The following RASA1 variants were observed in gnomAD, a reference collection of about 807,000 sequenced individuals.
RASA1 encodes the protein RAS p21 protein activator 1, also known as ras GTPase-activating protein 1.
Under a neutral mutation model 132.2 loss-of-function variants are expected in RASA1, and 25 were observed. The ratio of observed to expected loss-of-function variants is 0.19; its 90% CI spans 0.14 to 0.26. The LOEUF (loss-of-function observed/expected upper bound fraction) is 0.26. Among genes scored for constraint, RASA1 ranks in the 10% least tolerant of loss-of-function variants. The pLI is 1.00. For synonymous variants in RASA1, 477 were observed against 449.9 expected (o/e 1.06, Z -0.76); for missense variants, 964 against 1,299.2 (o/e 0.74, Z 3.97).
In RASA1 at chr5:87,268,419, G is replaced by A; in HGVS notation, c.-33G>A. ...TGGTGGCCCCTGGGGCTCCCGGGCG[G>A]GCAGGGTAGGGCAGAGTAGAGCGGG... On this transcript the variant is annotated 5_prime_UTR_variant, in exon 1 of 25. Transcript: ENST00000274376. 6.7e-7 allele frequency: 1 copy of A among 1,500,054 alleles called. No individual in the cohort carries two copies. Among genetic ancestry groups the A allele is most frequent in the African/African-American group, 1.4e-5 (1 of 71,870 alleles). 92.9% of individuals were successfully genotyped at this position (1,500,054 alleles called of 1,614,324 possible).
intron 6 of RASA1, among the ~76,000 whole-genome samples, chr5:87,344,868 C>A (rs184091073): frequency 1.3e-4 from 20 of 151,974 alleles, no homozygotes; most frequent in Admixed American, 5.9e-4. Flanking sequence ...AGAATTCTTC[C>A]ATTCATACTT....
At chr5:87,288,947 A>C (rs1754796393) in intron 1 of RASA1, among the ~76,000 whole-genome samples, 1 of 152,212 alleles carries the variant, frequency 6.6e-6, no homozygotes, top group South Asian at 2.1e-4. Flanking sequence ...GAATAAGGAC[A>C]ATAGCCTACA....
chr5:87,317,776 C>T (rs1756453546), intron 1 of RASA1, among the ~76,000 whole-genome samples: 1 of 151,990 alleles, frequency 6.6e-6, no homozygotes, highest in Admixed American at 6.6e-5. Context: ...GCTGTGATTA[C>T]AGGCGCATAC....
chr5:87,301,118 A>G (rs866240240), intron 1 of RASA1, among the ~76,000 whole-genome samples: 1 of 152,236 alleles, frequency 6.6e-6, no homozygotes, highest in Non-Finnish European at 1.5e-5. Context: ...GTCCAAGACA[A>G]TATAACAGAT....
chr5:87,285,569 T>C (rs1377422994), intron 1 of RASA1, among the ~76,000 whole-genome samples: 2 of 151,956 alleles, frequency 1.3e-5, no homozygotes, highest in East Asian at 3.9e-4. Context: ...TCTTAACTTT[T>C]TATTTAAAAA....
chr5:87,295,527 A>T (rs771850105), intron 1 of RASA1, among the ~76,000 whole-genome samples: 26 of 150,088 alleles, frequency 1.7e-4, no homozygotes, highest in Non-Finnish European at 3.3e-4. Context: ...TTATTTATTT[A>T]TTTTTTTGAG....
intron 1 of RASA1, chr5:87,299,647 T>TTGTGTGTGTG (rs3988264): frequency 1.3e-5 from 2 of 149,422 alleles, no homozygotes; most frequent in African/African-American, 4.9e-5. Context: ...AGTTAACCGT[T>TTGTGTGTGTG]TGTGTGTGTG....
intron 1 of RASA1, among the ~76,000 whole-genome samples, chr5:87,270,783 C>G (rs921562536): frequency 5.4e-5 from 8 of 147,452 alleles, no homozygotes; most frequent in Non-Finnish European, 1.0e-4. Flanking sequence ...TCTTTTGATA[C>G]TTAAAGGGGA....
chr5:87,328,935 C>T (rs946428655), intron 1 of RASA1, among the ~76,000 whole-genome samples: 1 of 151,448 alleles, frequency 6.6e-6, no homozygotes, highest in Non-Finnish European at 1.5e-5. Context: ...ATCAAATCAA[C>T]TAAGTAAATA....
rs1480626759 is a variant in RASA1, at chr5:87,366,825, G to T, written c.1611-2988G>T. The stretch of plus-strand genomic sequence containing the variant: ...GGTGGGCTGATCGCTTAAGCTCAGG[G>T]GTTGGAGACCAGCCTGGGCCTACAT... On this transcript the variant is annotated intron_variant, in intron 11 of 24. Transcript: ENST00000274376. 3.9e-5 allele frequency among the ~76,000 whole-genome samples: 6 copies of T among 152,076 alleles called. No homozygotes were observed. In the South Asian group the frequency reaches 6.2e-4, roughly 16 times the overall value.
intron 1 of RASA1, among the ~76,000 whole-genome samples, chr5:87,302,486 C>T (rs1338454987): frequency 1.3e-5 from 2 of 150,928 alleles, no homozygotes; most frequent in African/African-American, 2.4e-5. Flanking sequence ...TAGAAATCTT[C>T]AATTTCGCAC....
chr5:87,294,714 CAT>C (rs1382817010), intron 1 of RASA1, among the ~76,000 whole-genome samples: 5 of 152,098 alleles, frequency 3.3e-5, no homozygotes, highest in Non-Finnish European at 7.4e-5. Context: ...TGATAGTAGA[CAT>C]TATATGATTT....
intron 4 of RASA1, among the ~76,000 whole-genome samples, chr5:87,337,316 A>G (rs1758045564): frequency 6.6e-6 from 1 of 152,034 alleles, no homozygotes; most frequent in Non-Finnish European, 1.5e-5. Context: ...GTACTCTTAA[A>G]TTGGTAACAG....
At chr5:87,339,100 C>T (rs905657106) in intron 5 of RASA1, among the ~76,000 whole-genome samples, 1 of 152,126 alleles carries the variant, frequency 6.6e-6, no homozygotes, top group Non-Finnish European at 1.5e-5. Flanking sequence ...TTCAAAGCTA[C>T]TGTTTTTAAA....
intron 11 of RASA1, among the ~76,000 whole-genome samples, chr5:87,369,552 T>G (rs1760777907): frequency 6.6e-6 from 1 of 152,122 alleles, no homozygotes; most frequent in African/African-American, 2.4e-5. Context: ...GTAACTTTAT[T>G]TCTAATGTAT....
chr5:87,387,469 C>G (rs1414976228), intron 23 of RASA1, among the ~76,000 whole-genome samples: 1 of 152,062 alleles, frequency 6.6e-6, no homozygotes, highest in Non-Finnish European at 1.5e-5. Context: ...CTTTCTTAAT[C>G]AAGTTAAATT....
At chr5:87,382,062 T>C (rs1761755447) in intron 20 of RASA1, among the ~76,000 whole-genome samples, 1 of 152,162 alleles carries the variant, frequency 6.6e-6, no homozygotes, top group Admixed American at 6.5e-5. Context: ...AGTGAGATTC[T>C]TGTGCTTCAT....
intron 1 of RASA1, among the ~76,000 whole-genome samples, chr5:87,269,685 A>T (rs961228221): frequency 6.6e-6 from 1 of 152,228 alleles, no homozygotes; most frequent in African/African-American, 2.4e-5. Context: ...AGTGAGGCAA[A>T]ACAAAATCAA....
chr5:87,306,833 T>G (rs1272891729), intron 1 of RASA1, among the ~76,000 whole-genome samples: 2 of 152,160 alleles, frequency 1.3e-5, no homozygotes, highest in Admixed American at 6.5e-5. Flanking sequence ...TTTCTCGTAC[T>G]GTACATGTAT....
Sources: gnomAD v4.1 joint callset for allele counts (sites outside exome capture counted in the v4.1 genomes callset) on GRCh38, gnomAD v4.1.1 for gene constraint, MANE v1.5 for transcripts, NCBI Gene and HGNC (gene_info 2026-07-23, HGNC 2026-07-21) for gene names.